SYNPR: variants seen among roughly 807,000 people sequenced by gnomAD.
The protein encoded by SYNPR is synaptoporin.
SYNPR carries 23 observed loss-of-function variants against 32.9 expected under a neutral mutation model. The ratio of observed to expected loss-of-function variants is 0.70; its 90% CI spans 0.50 to 0.99. The LOEUF (loss-of-function observed/expected upper bound fraction) is 0.99. Ranked by LOEUF, SYNPR falls within the 50% of genes least tolerant of loss-of-function variation. The probability of loss-of-function intolerance (pLI) is 0.00; values close to 1 mark genes in which losing one functional copy is unlikely to be tolerated. For missense variants in SYNPR, 318 were observed against 349.3 expected (o/e 0.91, Z 0.71); for synonymous variants, 146 against 135.9 (o/e 1.07, Z -0.52).
At chr3:63,496,377 A>C (rs949069372) in intron 3 of SYNPR, among the ~76,000 whole-genome samples, 2 of 152,038 alleles carry the variant, frequency 1.3e-5, no homozygotes, top group African/African-American at 4.8e-5. Flanking sequence ...TGGACCTCAT[A>C]GCTATACTAT....
At position 63,556,535 on chromosome 3, in the gene SYNPR, C is replaced by T; in HGVS notation, c.210-8C>T. 1 of 1,602,604 alleles carries T rather than the reference C, an allele frequency of 6.2e-7. No individual in the cohort carries two copies. The highest frequency in any genetic ancestry group is 1.3e-5 in the African/African-American group (1 of 74,560). On this transcript the variant is annotated splice_polypyrimidine_tract_variant and splice_region_variant and intron_variant, in intron 3 of 5. Coordinates refer to ENST00000478300, the MANE Select transcript of SYNPR (RefSeq NM_001130003.2). ...TTAAAGAATGTCTCCTTAAATCTGG[C>T]AATTTAGGTTGCACCAGGTGACGTT... is the stretch of plus-strand genomic sequence containing the variant.
chr3:63,261,356 C>T (rs1263877313), intron 2 of SYNPR, among the ~76,000 whole-genome samples: 1 of 151,734 alleles, frequency 6.6e-6, no homozygotes, highest in Non-Finnish European at 1.5e-5. Context: ...GAAAATGTGG[C>T]ACATATACAC....
chr3:63,372,406 C>T (rs144798478), intron 2 of SYNPR, among the ~76,000 whole-genome samples: 1 of 152,180 alleles, frequency 6.6e-6, no homozygotes, highest in Admixed American at 6.5e-5. Flanking sequence ...CCCTCTGCCA[C>T]TGCCACTGCA....
At chr3:63,555,756 C>G (rs905812059) in intron 3 of SYNPR, among the ~76,000 whole-genome samples, 1 of 151,596 alleles carries the variant, frequency 6.6e-6, no homozygotes, top group African/African-American at 2.4e-5. Flanking sequence ...TGTTTGGGAT[C>G]ACAGAAAAAA....
chr3:63,351,586 A>G (rs2087510789), intron 2 of SYNPR: 1 of 152,192 alleles, frequency 6.6e-6, no homozygotes, highest in African/African-American at 2.4e-5. Flanking sequence ...AACACTGAGG[A>G]ATGTTATCTG....
chr3:63,252,708 A>G (rs1377655977), intron 2 of SYNPR: 1 of 152,112 alleles, frequency 6.6e-6, no homozygotes, highest in African/African-American at 2.4e-5. Context: ...GTTAATGGAC[A>G]CTGAGCAAAT....
chr3:63,497,448 GA>G (rs1701393031), intron 3 of SYNPR, among the ~76,000 whole-genome samples: 1 of 152,050 alleles, frequency 6.6e-6, no homozygotes, highest in South Asian at 2.1e-4. Context: ...TTGCTAAAAT[GA>G]GAAGGGACTT....
intron 2 of SYNPR, among the ~76,000 whole-genome samples, chr3:63,263,420 A>G (rs1384208881): frequency 2.6e-5 from 4 of 152,190 alleles, no homozygotes; most frequent in African/African-American, 4.8e-5. Context: ...AGCACTTTAC[A>G]TAGGTTATCT....
chr3:63,466,548 T>C (rs890502198), intron 2 of SYNPR, among the ~76,000 whole-genome samples: 12 of 152,142 alleles, frequency 7.9e-5, no homozygotes, highest in African/African-American at 2.7e-4. Context: ...CTTTTTGTGA[T>C]ATTAGACATC....
chr3:63,203,341 G>A, the SYNPR span: 1 of 151,982 alleles, frequency 6.6e-6, no homozygotes. Context: ...TGACAGCTTG[G>A]GCTGCAATCA....
At chr3:63,390,157 A>C (rs2088112580) in intron 2 of SYNPR, among the ~76,000 whole-genome samples, 1 of 152,214 alleles carries the variant, frequency 6.6e-6, no homozygotes, top group African/African-American at 2.4e-5. Flanking sequence ...TGGGAACAAG[A>C]AAATCATTCT....
chr3:63,321,497 GAAGA>G (rs1221452843), intron 2 of SYNPR, among the ~76,000 whole-genome samples: 1 of 152,074 alleles, frequency 6.6e-6, no homozygotes, highest in African/African-American at 2.4e-5. Flanking sequence ...TGTGGGCACA[GAAGA>G]AAGAGCAATT....
chr3:63,419,699 G>A (rs766335417), intron 2 of SYNPR, among the ~76,000 whole-genome samples: 1 of 152,196 alleles, frequency 6.6e-6, no homozygotes, highest in Non-Finnish European at 1.5e-5. Flanking sequence ...GTTGCCCCAT[G>A]AAGTGGGTCA....
At chr3:63,260,637 A>G (rs1161038063) in intron 2 of SYNPR, among the ~76,000 whole-genome samples, 2 of 152,170 alleles carry the variant, frequency 1.3e-5, no homozygotes, top group Non-Finnish European at 2.9e-5. Flanking sequence ...AACCTAGGCA[A>G]TACCATTCAG....
At chr3:63,221,521 A>G in the SYNPR span, among the ~76,000 whole-genome samples, 1 of 152,014 alleles carries the variant, frequency 6.6e-6, no homozygotes, top group Non-Finnish European at 1.5e-5. Flanking sequence ...TTGGAGTAGA[A>G]CTCCCAGCAA....
intron 4 of SYNPR, among the ~76,000 whole-genome samples, chr3:63,599,103 A>G (rs147488309): frequency 6.0e-4 from 91 of 152,282 alleles, no homozygotes; most frequent in African/African-American, 2.1e-3. Context: ...CCCATTATGG[A>G]TGTTTTGGTC....
intron 3 of SYNPR, among the ~76,000 whole-genome samples, chr3:63,268,039 T>C (rs1388378864): frequency 6.6e-6 from 1 of 152,228 alleles, no homozygotes; most frequent in East Asian, 1.9e-4. Context: ...TGAATATTCA[T>C]TGTTTCACAC....
At chr3:63,296,063 C>T (rs1034251795) in intron 2 of SYNPR, among the ~76,000 whole-genome samples, 1 of 152,156 alleles carries the variant, frequency 6.6e-6, no homozygotes, top group African/African-American at 2.4e-5. Flanking sequence ...GCAGGTAATG[C>T]AGGAGGAAAC....
At chr3:63,253,302 TA>T (rs2086352196) in intron 2 of SYNPR, among the ~76,000 whole-genome samples, 1 of 152,038 alleles carries the variant, frequency 6.6e-6, no homozygotes, top group Admixed American at 6.6e-5. Flanking sequence ...ACATATATAG[TA>T]ACTACAAAAC....
Sources: gnomAD v4.1 joint callset for allele counts (sites outside exome capture counted in the v4.1 genomes callset) on GRCh38, gnomAD v4.1.1 for gene constraint, MANE v1.5 for transcripts, NCBI Gene and HGNC (gene_info 2026-07-23, HGNC 2026-07-21) for gene names.